The following ARHGAP31 variants were observed in gnomAD, a reference collection of about 807,000 sequenced individuals.
The protein encoded by ARHGAP31 is rho GTPase-activating protein 31.
ARHGAP31 carries 34 observed loss-of-function variants against 113.9 expected under a neutral mutation model. That is an observed-to-expected ratio of 0.30 (90% confidence interval 0.23 to 0.40). The LOEUF (loss-of-function observed/expected upper bound fraction) is 0.40. ARHGAP31 is among the 10% of genes least tolerant of loss of function. The pLI, the probability that ARHGAP31 is intolerant of heterozygous loss-of-function variation, is 1.00. For synonymous variants in ARHGAP31, 650 were observed against 684.8 expected (o/e 0.95, Z 0.79); for missense variants, 1,548 against 1,767.1 (o/e 0.88, Z 2.22).
chr3:119,386,834 A>G (rs2080454255), intron 6 of ARHGAP31, among the ~76,000 whole-genome samples: 1 of 152,212 alleles, frequency 6.6e-6, no homozygotes, highest in South Asian at 2.1e-4. Flanking sequence ...GGCAGCTGAG[A>G]CAGAGAAGGA....
chr3:119,356,718 T>C (rs1404117682), intron 1 of ARHGAP31, among the ~76,000 whole-genome samples: 1 of 152,230 alleles, frequency 6.6e-6, no homozygotes, highest in Non-Finnish European at 1.5e-5. Flanking sequence ...GAGACCACTC[T>C]ATGTCTGTAC....
chr3:119,390,874 C>A lies in ARHGAP31; in HGVS notation c.772C>A (p.Leu258Met), dbSNP rs777903752. ...VSLEEAQARS[L>M]ATNHPARKER... The stretch of plus-strand genomic sequence containing the variant: ...CCTTGAGGAAGCTCAAGCCCGCAGC[C>A]TGGCCACTAACCATCCTGCTCGCAA... The change falls in exon 7 of 12, where the codon CTG becomes ATG. Residue 258 changes from leucine to methionine, a missense_variant. Physicochemically the swap from Leu to Met is conservative, Grantham distance 15. Coordinates refer to ENST00000264245, the MANE Select transcript of ARHGAP31 (RefSeq NM_020754.4). The A allele has an allele frequency of 3.1e-6, 5 of 1,614,106 alleles. No individual in the cohort carries two copies. In the East Asian group the frequency reaches 6.7e-5, roughly 22 times the overall value.
chr3:119,338,586 C>G (rs181009705), intron 1 of ARHGAP31, among the ~76,000 whole-genome samples: 137 of 152,252 alleles, frequency 9.0e-4, no homozygotes, highest in African/African-American at 3.2e-3. Flanking sequence ...TTAGTTCATA[C>G]GTGACATATT....
chr3:119,392,058 C>G (rs567540132), intron 7 of ARHGAP31, among the ~76,000 whole-genome samples: 1 of 152,260 alleles, frequency 6.6e-6, no homozygotes, highest in East Asian at 1.9e-4. Context: ...GTACGCTACC[C>G]TATAAAATAT....
intron 3 of ARHGAP31, among the ~76,000 whole-genome samples, chr3:119,375,471 C>G (rs1367091590): frequency 1.3e-5 from 2 of 152,180 alleles, no homozygotes; most frequent in East Asian, 1.9e-4. Flanking sequence ...TAGGACGCAC[C>G]CAGATAATCG....
chr3:119,310,434 A>C (rs1223209448), intron 1 of ARHGAP31, among the ~76,000 whole-genome samples: 1 of 152,152 alleles, frequency 6.6e-6, no homozygotes, highest in Non-Finnish European at 1.5e-5. Context: ...CCCAAACCTC[A>C]GGCTGCAAAC....
Position 119,344,298 on chromosome 3 carries a change from A to G in ARHGAP31, c.101-21018A>G, listed in dbSNP as rs562220776. Reference sequence around the variant, plus strand: ...AAAGGGAAGGAGGAGAACATCCACCATTTTCCCCGTGTTTCCGTCTGAAAC... The same window carrying G: ...AAAGGGAAGGAGGAGAACATCCACCGTTTTCCCCGTGTTTCCGTCTGAAAC... On this transcript the variant is annotated intron_variant, in intron 1 of 11. Coordinates refer to ENST00000264245, the MANE Select transcript of ARHGAP31 (RefSeq NM_020754.4). Among the ~76,000 whole-genome samples the G allele has an allele frequency of 6.6e-5, 10 of 152,280 alleles. No homozygotes were observed. In the South Asian group the frequency reaches 1.4e-3, roughly 22 times the overall value.
chr3:119,382,946 G>T, intron 5 of ARHGAP31, 138 bp from the exon 6 acceptor site: 1 of 1,139,934 alleles, frequency 8.8e-7, no homozygotes, highest in Non-Finnish European at 1.3e-6. Context: ...TCCTTTAATT[G>T]GCCCTAAATA....
At chr3:119,365,185 T>A (rs924039756) in intron 1 of ARHGAP31, 131 bp from the exon 2 acceptor site, 2 of 715,584 alleles carry the variant, frequency 2.8e-6, no homozygotes, top group Admixed American at 4.6e-5. Flanking sequence ...AGAAATTGTT[T>A]CCACTTGTAA....
At position 119,420,499 on chromosome 3, in the gene ARHGAP31, G is replaced by C. The variant is rs529658389; in HGVS notation, c.*4235G>C. ...TAAAATTGGGGGCCACCACAGATTG[G>C]CTGGCTACTGTGTAGATCATTTAGT... On this transcript the variant is annotated 3_prime_UTR_variant, in exon 12 of 12. Transcript: ENST00000264245. 1 of 152,288 alleles carries C rather than the reference G, an allele frequency of 6.6e-6. No homozygotes were observed. The highest frequency in any genetic ancestry group is 6.5e-5 in the Admixed American group (1 of 15,296). 9.4% of individuals were successfully genotyped at this position (152,288 alleles called of 1,614,324 possible). A position where few individuals can be genotyped will look rare whatever the true frequency, so the allele number is the denominator to read the frequency against.
intron 1 of ARHGAP31, among the ~76,000 whole-genome samples, chr3:119,324,366 G>C (rs1304436900): frequency 1.3e-5 from 2 of 152,142 alleles, no homozygotes; most frequent in Non-Finnish European, 2.9e-5. Context: ...TCTTGAACAG[G>C]ACAATTCTTT....
intron 1 of ARHGAP31, among the ~76,000 whole-genome samples, chr3:119,355,985 C>G (rs755814080): frequency 3.3e-5 from 5 of 152,194 alleles, no homozygotes; most frequent in Non-Finnish European, 7.3e-5. Context: ...GGACTGTCCT[C>G]ATTGTCCCCA....
At chr3:119,304,465 A>G (rs1290405343) in intron 1 of ARHGAP31, among the ~76,000 whole-genome samples, 1 of 152,194 alleles carries the variant, frequency 6.6e-6, no homozygotes, top group Non-Finnish European at 1.5e-5. Flanking sequence ...CTAGAGGCAG[A>G]AAACCACAGG....
chr3:119,384,050 G>C (rs1300253859), intron 6 of ARHGAP31, among the ~76,000 whole-genome samples: 1 of 152,146 alleles, frequency 6.6e-6, no homozygotes, highest in South Asian at 2.1e-4. Context: ...CTGCTGTTCA[G>C]GTCCACACTT....
intron 3 of ARHGAP31, 62 bp from the exon 4 acceptor site, chr3:119,380,842 C>A: frequency 7.1e-7 from 1 of 1,404,200 alleles, no homozygotes; most frequent in Non-Finnish European, 1.0e-6. Flanking sequence ...GATCCCAGCA[C>A]ATGCAGATGG....
chr3:119,300,979 C>T (rs926845949), intron 1 of ARHGAP31, among the ~76,000 whole-genome samples: 1 of 152,156 alleles, frequency 6.6e-6, no homozygotes, highest in Admixed American at 6.5e-5. Context: ...TTTAGAGGGG[C>T]ATCTCCGCAT....
chr3:119,306,441 C>T lies in ARHGAP31; in HGVS notation c.100+11437C>T, dbSNP rs538427656. Among the ~76,000 whole-genome samples, 72 of 152,280 alleles carry T rather than the reference C, an allele frequency of 4.7e-4. 3 individuals carry two copies. In the South Asian group the frequency reaches 0.015, roughly 31 times the overall value. ...GCATGGTGGCGCGTGCCTGTAATCC[C>T]AGCTACATGGGAGGCTGAGGCACGA... is the stretch of plus-strand genomic sequence containing the variant. On this transcript the variant is annotated intron_variant, in intron 1 of 11. Coordinates refer to ENST00000264245, the MANE Select transcript of ARHGAP31 (RefSeq NM_020754.4).
chr3:119,373,753 C>T (rs1025968132), intron 3 of ARHGAP31, among the ~76,000 whole-genome samples: 2 of 151,824 alleles, frequency 1.3e-5, no homozygotes, highest in Non-Finnish European at 2.9e-5. Context: ...CGTGAGCCAC[C>T]GCACCCAGCT....
rs1348928385 is a variant in ARHGAP31 at position 119,414,817 on chromosome 3, G to A, written c.2888G>A (p.Ser963Asn). ...HSLDSKPTVK[S>N]QWTLEVPSSS... ...CTAGATAGCAAACCCACGGTTAAAA[G>A]CCAGTGGACTCTCGAGGTTCCCTCC... is the stretch of plus-strand genomic sequence containing the variant. The change falls in exon 12 of 12, where the codon AGC becomes AAC. Residue 963 changes from serine (S) to asparagine (N), a missense_variant. Ser to Asn is a conservative substitution (Grantham distance 46, BLOSUM62 1). Coordinates refer to ENST00000264245, the MANE Select transcript of ARHGAP31 (RefSeq NM_020754.4). 1.9e-6 allele frequency: 3 copies of A among 1,614,238 alleles called. No individual in the cohort carries two copies. Among genetic ancestry groups the A allele is most frequent in the Admixed American group, 3.3e-5 (2 of 60,032 alleles).
Sources: allele counts gnomAD v4.1 joint callset (sites outside exome capture counted in the v4.1 genomes callset), GRCh38; gene constraint gnomAD v4.1.1; transcripts MANE v1.5; gene names NCBI Gene and HGNC (gene_info 2026-07-23, HGNC 2026-07-21).